The following ANKRD50 variants were observed in gnomAD, a reference collection of about 807,000 sequenced individuals.
The protein encoded by ANKRD50 is ankyrin repeat domain 50, also known as ankyrin repeat domain-containing protein 50.
In ANKRD50, 40 loss-of-function variants were observed where a neutral mutation model predicts 112.0. The ratio of observed to expected loss-of-function variants is 0.36; its 90% confidence interval spans 0.28 to 0.46. The LOEUF is 0.46. Among genes scored for constraint, ANKRD50 ranks in the 20% least tolerant of loss-of-function variants. The pLI is 1.00. For missense variants in ANKRD50, 1,487 were observed against 1,701.7 expected, an observed-to-expected ratio of 0.87 and a Z score of 2.22; for synonymous variants, 613 against 619.1, an observed-to-expected ratio of 0.99 and a Z score of 0.15.
At chr4:124,696,989 A>G (rs935161661) in intron 2 of ANKRD50, among the ~76,000 whole-genome samples, 1 of 152,172 alleles carries the variant, frequency 6.6e-6, no homozygotes, top group Non-Finnish European at 1.5e-5. Context: ...AATCAAATCC[A>G]AGCACCACTG....
intron 2 of ANKRD50, among the ~76,000 whole-genome samples, chr4:124,680,614 T>A (rs1237975436): frequency 6.6e-6 from 1 of 152,180 alleles, no homozygotes; most frequent in African/African-American, 2.4e-5. Context: ...TAAAGATGGC[T>A]GATGAAAAAT....
rs541367069 is a variant in ANKRD50, at chr4:124,685,469, T to A, written c.513-6564A>T. ...CATTTTTCTGTTAGGTTACATTTTA[T>A]CATTTGTAAAATGAAAATCCCACCA... On this transcript the variant is annotated intron_variant, in intron 2 of 4. Coordinates refer to ENST00000504087, the MANE Select transcript of ANKRD50 (RefSeq NM_020337.3). Among the ~76,000 whole-genome samples the A allele has an allele frequency of 2.6e-5, 4 of 152,336 alleles. No homozygotes were observed. The Middle Eastern group carries it at 0.01, about 389-fold the overall frequency.
intron 2 of ANKRD50, among the ~76,000 whole-genome samples, chr4:124,703,053 T>G (rs1725425911): frequency 2.0e-5 from 3 of 152,004 alleles, no homozygotes; most frequent in South Asian, 4.2e-4. Context: ...TATGCATTGG[T>G]AGCCATGTAA....
intron 2 of ANKRD50, among the ~76,000 whole-genome samples, chr4:124,706,674 G>A (rs763766692): frequency 5.3e-5 from 8 of 151,816 alleles, no homozygotes; most frequent in African/African-American, 1.7e-4. Flanking sequence ...ACATGAATAC[G>A]GATGCTCCTT....
intron 2 of ANKRD50, among the ~76,000 whole-genome samples, chr4:124,706,790 C>G (rs1578596165): frequency 6.6e-6 from 1 of 152,182 alleles, no homozygotes; most frequent in East Asian, 1.9e-4. Flanking sequence ...ATCGCTTAGC[C>G]TACCCTACCT....
At chr4:124,687,884 A>G (rs1725043890) in intron 2 of ANKRD50, among the ~76,000 whole-genome samples, 1 of 152,202 alleles carries the variant, frequency 6.6e-6, no homozygotes, top group Admixed American at 6.5e-5. Context: ...GTGCAGAGCA[A>G]TGGCATAGCC....
chr4:124,710,840 A>G lies in ANKRD50; in HGVS notation c.-329T>C, dbSNP rs1725613033. ...ATGTGATTGTGGATGTTTCAAGAAC[A>G]GAGATGAGACAATACATGTGGAAAA... On this transcript the variant is annotated 5_prime_UTR_variant, in exon 2 of 5. Coordinates refer to ENST00000504087, the MANE Select transcript of ANKRD50 (RefSeq NM_020337.3). The G allele has an allele frequency of 2.3e-6, 1 of 433,782 alleles. No individual in the cohort carries two copies. Among genetic ancestry groups the G allele is most frequent in the South Asian group, 8.0e-5 (1 of 12,522 alleles). 26.9% of individuals were successfully genotyped at this position (433,782 alleles called of 1,614,324 possible). A position where few individuals can be genotyped will look rare whatever the true frequency, so the allele number is the denominator to read the frequency against.
intron 2 of ANKRD50, among the ~76,000 whole-genome samples, chr4:124,700,428 G>A (rs1725363703): frequency 6.6e-6 from 1 of 152,164 alleles, no homozygotes; most frequent in East Asian, 1.9e-4. Flanking sequence ...ACAACAAGAA[G>A]AGCAGTTAGG....
intron 2 of ANKRD50, among the ~76,000 whole-genome samples, chr4:124,688,112 T>C (rs1340913953): frequency 2.6e-5 from 4 of 152,288 alleles, no homozygotes; most frequent in South Asian, 2.1e-4. Flanking sequence ...GATCTTCTAC[T>C]AGTGAAGGGA....
chr4:124,695,902 G>A (rs1725241653), intron 2 of ANKRD50, among the ~76,000 whole-genome samples: 1 of 151,926 alleles, frequency 6.6e-6, no homozygotes, highest in Non-Finnish European at 1.5e-5. Flanking sequence ...AGGTTTTCCT[G>A]TTGTTGTTAC....
At chr4:124,701,562 C>CT (rs11446877) in intron 2 of ANKRD50, among the ~76,000 whole-genome samples, 40,061 of 151,898 alleles carry the variant, frequency 0.26, 5,569 homozygotes, top group African/African-American at 0.37. Flanking sequence ...AGAAATATTT[C>CT]GAGATTAGGT....
At chr4:124,704,967 G>A (rs1030469821) in intron 2 of ANKRD50, among the ~76,000 whole-genome samples, 2 of 152,010 alleles carry the variant, frequency 1.3e-5, no homozygotes, top group Admixed American at 6.6e-5. Context: ...GGTGGTGGGT[G>A]CCTATAGTTC....
In ANKRD50 at chr4:124,669,875, T is replaced by C. The variant is rs1469072688; in HGVS notation, c.3402A>G (p.Lys1134=). 1.2e-6 allele frequency: 2 copies of C among 1,613,038 alleles called. No homozygotes were observed. The highest frequency in any genetic ancestry group is 1.7e-6 in the Non-Finnish European group (2 of 1,179,732). Reference sequence around the variant, plus strand: ...CACCAGTACTACCAGAGCTATTTGATTTAATTGTTAATGACTGCACTTTTG... The same window carrying C: ...CACCAGTACTACCAGAGCTATTTGACTTAATTGTTAATGACTGCACTTTTG... ...LSSKVQSLTI[K]SNSSGSTGGG... is the part of the protein sequence containing the mutation. The change falls in exon 4 of 5, where the codon AAA becomes AAG. Residue 1134 remains lysine, a synonymous_variant. Coordinates refer to ENST00000504087, the MANE Select transcript of ANKRD50 (RefSeq NM_020337.3).
intron 2 of ANKRD50, among the ~76,000 whole-genome samples, chr4:124,694,138 A>G (rs1445166625): frequency 6.6e-6 from 1 of 152,206 alleles, no homozygotes; most frequent in Non-Finnish European, 1.5e-5. Flanking sequence ...AAAAACAGGC[A>G]ATACAATTAA....
chr4:124,712,088 TCA>T (rs920264748), intron 1 of ANKRD50, among the ~76,000 whole-genome samples: 1 of 152,002 alleles, frequency 6.6e-6, no homozygotes, highest in African/African-American at 2.4e-5. Context: ...GGGAGCCACC[TCA>T]GAGAGGCCAC....
At chr4:124,679,447 C>T (rs961602079) in intron 2 of ANKRD50, among the ~76,000 whole-genome samples, 2 of 152,046 alleles carry the variant, frequency 1.3e-5, no homozygotes, top group African/African-American at 4.8e-5. Flanking sequence ...ATTCTAGATC[C>T]CATTTGACAT....
Position 124,711,005 on chromosome 4 carries a change from G to A in ANKRD50, c.-494C>T, listed in dbSNP as rs1389737502. ...CAGAGAGATTACATTTATACGGTAT[G>A]AGGTACAGTATGTAAGTAGCTCTGT... On this transcript the variant is annotated 5_prime_UTR_variant, in exon 2 of 5. Transcript: ENST00000504087. 7.9e-6 allele frequency: 3 copies of A among 380,174 alleles called. No individual in the cohort carries two copies. The highest frequency in any genetic ancestry group is 6.2e-5 in the African/African-American group (3 of 48,192). 23.6% of individuals were successfully genotyped at this position (380,174 alleles called of 1,614,324 possible).
At chr4:124,689,918 CATA>C (rs1725096395) in intron 2 of ANKRD50, among the ~76,000 whole-genome samples, 1 of 9,510 alleles carries the variant, frequency 1.1e-4, no homozygotes, top group African/African-American at 1.6e-4. Flanking sequence ...TTTACTCTTA[CATA>C]ATTTGTTTTT....
intron 2 of ANKRD50, among the ~76,000 whole-genome samples, chr4:124,690,634 A>G (rs563382267): frequency 1.3e-3 from 191 of 152,288 alleles, no homozygotes; most frequent in Middle Eastern, 0.01. Context: ...TACCTTAAAA[A>G]TTTTTAAAAA....
Sources: gnomAD v4.1 joint callset for allele counts (sites outside exome capture counted in the v4.1 genomes callset) on GRCh38, gnomAD v4.1.1 for gene constraint, MANE v1.5 for transcripts, NCBI Gene and HGNC (gene_info 2026-07-23, HGNC 2026-07-21) for gene names.